RAD18: variants seen among roughly 807,000 people sequenced by gnomAD.
RAD18 encodes the protein E3 ubiquitin-protein ligase RAD18.
A neutral mutation model predicts 60.4 loss-of-function variants in RAD18; 47 were observed. The observed-to-expected ratio is 0.78, with a 90% CI of 0.62 to 0.99. The LOEUF is 0.99. Among genes scored for constraint, RAD18 ranks in the 50% least tolerant of loss-of-function variants. The probability of loss-of-function intolerance (pLI) is 0.00; values close to 1 mark genes in which losing one functional copy is unlikely to be tolerated. For synonymous variants in RAD18, 225 were observed against 195.5 expected (o/e 1.15, Z -1.26); for missense variants, 640 against 593.3 (o/e 1.08, Z -0.82).
At chr3:8,936,097 C>A in intron 6 of RAD18, 42 bp from the exon 7 acceptor site, 3 of 1,400,184 alleles carry the variant, frequency 2.1e-6, no homozygotes, top group South Asian at 1.6e-5. Context: ...TGTGAATTAT[C>A]AAATGCTTTT....
rs45466999 is a variant in RAD18 at position 8,889,364 on chromosome 3, T to C, written c.1385+1025A>G. ...AAACAGGGATAATAGAACATCATAATGTTATATTTAAATGAGATCACACAT... is the reference window on the plus strand; with the variant it reads ...AAACAGGGATAATAGAACATCATAACGTTATATTTAAATGAGATCACACAT... On this transcript the variant is annotated intron_variant, in intron 12 of 12. Transcript: ENST00000264926. Among the ~76,000 whole-genome samples, 1,279 of 152,320 alleles carry C rather than the reference T, an allele frequency of 8.4e-3. 10 individuals are homozygous for C. The highest frequency in any genetic ancestry group is 0.029 in the African/African-American group (1,202 of 41,564).
At chr3:8,888,276 C>G (rs1311568498) in intron 12 of RAD18, among the ~76,000 whole-genome samples, 1 of 152,312 alleles carries the variant, frequency 6.6e-6, no homozygotes, top group East Asian at 1.9e-4. Context: ...CGTGGCCACA[C>G]TGACTAATCA....
At chr3:8,948,728 A>G (rs903615348) in intron 2 of RAD18, among the ~76,000 whole-genome samples, 158 bp from the exon 3 acceptor site, 1 of 152,220 alleles carries the variant, frequency 6.6e-6, no homozygotes, top group Non-Finnish European at 1.5e-5. Flanking sequence ...GCACACTTAC[A>G]CATGTGATTA....
intron 12 of RAD18, among the ~76,000 whole-genome samples, chr3:8,882,242 C>G (rs890867802): frequency 6.6e-6 from 1 of 152,196 alleles, no homozygotes; most frequent in African/African-American, 2.4e-5. Flanking sequence ...CTAGCAAAGA[C>G]CTATGGCCTC....
intron 7 of RAD18, among the ~76,000 whole-genome samples, chr3:8,915,147 C>CAA (rs373157801): frequency 3.5e-4 from 35 of 101,448 alleles, no homozygotes; most frequent in African/African-American, 1.1e-3. Flanking sequence ...GACTCCGTCT[C>CAA]AAAAAAAAAA....
At chr3:8,896,892 A>G (rs1486878524) in intron 11 of RAD18, among the ~76,000 whole-genome samples, 1 of 152,212 alleles carries the variant, frequency 6.6e-6, no homozygotes, top group Admixed American at 6.5e-5. Context: ...GAAAGAATAC[A>G]TTCCTTTTAG....
chr3:8,891,575 T>C (rs1024120227), intron 11 of RAD18, among the ~76,000 whole-genome samples: 2 of 152,170 alleles, frequency 1.3e-5, no homozygotes, highest in Non-Finnish European at 2.9e-5. Flanking sequence ...AAAAAACACA[T>C]CTCAGAAGTT....
chr3:8,895,921 C>T (rs1447944237), intron 11 of RAD18, among the ~76,000 whole-genome samples: 2 of 152,184 alleles, frequency 1.3e-5, no homozygotes, highest in East Asian at 3.8e-4. Flanking sequence ...ATCCAGGAAT[C>T]CTAGTTGAAA....
chr3:8,941,887 T>A (rs895154959), intron 4 of RAD18, 83 bp from the exon 5 acceptor site: 263 of 1,290,770 alleles, frequency 2.0e-4, no homozygotes, highest in Admixed American at 3.3e-4. Flanking sequence ...TTTTCCCAAT[T>A]AACCTTGTTT....
At chr3:8,927,610 C>T (rs1035947545) in intron 7 of RAD18, among the ~76,000 whole-genome samples, 25 of 152,262 alleles carry the variant, frequency 1.6e-4, no homozygotes, top group African/African-American at 5.8e-4. Flanking sequence ...CACATGCACA[C>T]ATATGTTTAT....
At chr3:8,908,212 A>G (rs1045911087) in intron 9 of RAD18, among the ~76,000 whole-genome samples, 1 of 151,760 alleles carries the variant, frequency 6.6e-6, no homozygotes, top group Non-Finnish European at 1.5e-5. Context: ...AAAGGAACCC[A>G]TTTCCAGAGA....
intron 7 of RAD18, among the ~76,000 whole-genome samples, chr3:8,932,284 T>C (rs549324144): frequency 6.6e-6 from 1 of 152,184 alleles, no homozygotes; most frequent in African/African-American, 2.4e-5. Flanking sequence ...ACATATATTT[T>C]AAAAATTCAG....
intron 7 of RAD18, among the ~76,000 whole-genome samples, chr3:8,928,771 A>G (rs1940496467): frequency 6.6e-6 from 1 of 152,182 alleles, no homozygotes; most frequent in African/African-American, 2.4e-5. Context: ...TTTACATAGC[A>G]TTTACAGATC....
intron 8 of RAD18, 98 bp downstream of exon 8, chr3:8,913,546 A>G: frequency 1.2e-6 from 1 of 820,172 alleles, no homozygotes; most frequent in Non-Finnish European, 1.8e-6. Context: ...GAAATGTGTT[A>G]GTAAATGAAT....
At chr3:8,903,450 C>T (rs1395085733) in intron 9 of RAD18, among the ~76,000 whole-genome samples, 1 of 152,086 alleles carries the variant, frequency 6.6e-6, no homozygotes, top group Admixed American at 6.6e-5. Context: ...TTCACATTTC[C>T]GGCCGGTTTC....
At chr3:8,957,692 G>C (rs559275603) in intron 2 of RAD18, among the ~76,000 whole-genome samples, 91 of 152,258 alleles carry the variant, frequency 6.0e-4, no homozygotes, top group Non-Finnish European at 1.1e-3. Context: ...AGTAGTTTTG[G>C]TGAAAAACTA....
rs1559797014 is a variant in RAD18, at chr3:8,947,239, T to C, written c.247A>G (p.Lys83Glu). The C allele has an allele frequency of 6.2e-7, 1 of 1,610,652 alleles. No homozygotes were observed. Among genetic ancestry groups the C allele is most frequent in the Non-Finnish European group, 8.5e-7 (1 of 1,177,210 alleles). The change falls in exon 4 of 13, where the codon AAA becomes GAA. Residue 83 changes from lysine (K) to glutamate (E), a missense_variant. Transcript: ENST00000264926. ...KNNRILDELV[K>E]SLNFARNHLL... is the part of the protein sequence containing the mutation. ...TCATACCGTGCAAAATTCAAGCTTT[T>C]TACCAGTTCATCTAATATGCGGTTA...
rs944552308 is a variant in RAD18, at chr3:8,941,666, A to T, written c.405T>A (p.Asn135Lys). Residue 135 changes from asparagine (N) to lysine (K), a missense_variant, in exon 5 of 13, where the codon AAT becomes AAA. Asn to Lys is a moderately conservative substitution (Grantham distance 94). Coordinates refer to ENST00000264926, the MANE Select transcript of RAD18 (RefSeq NM_020165.4). ...AACCACTCATTTCTCTGATCAAGAA[A>T]TTATCCATTAACCTGCTCCCCTGCT... ...SLKQGSRLMD[N>K]FLIREMSGST... The T allele has an allele frequency of 1.2e-6, 2 of 1,614,044 alleles. No individual in the cohort carries two copies. Among genetic ancestry groups the T allele is most frequent in the African/African-American group, 2.7e-5 (2 of 74,910 alleles).
At chr3:8,900,906 A>G (rs187664577) in intron 10 of RAD18, among the ~76,000 whole-genome samples, 1 of 152,338 alleles carries the variant, frequency 6.6e-6, no homozygotes, top group East Asian at 1.9e-4. Flanking sequence ...CAAGCCATCA[A>G]TGATATTCAA....
Sources: gnomAD v4.1 joint callset for allele counts (sites outside exome capture counted in the v4.1 genomes callset) on GRCh38, gnomAD v4.1.1 for gene constraint, MANE v1.5 for transcripts, NCBI Gene and HGNC (gene_info 2026-07-23, HGNC 2026-07-21) for gene names.